CCSER1: variants seen among roughly 807,000 people sequenced by gnomAD.
The protein encoded by CCSER1 is coiled-coil serine rich protein 1.
In CCSER1, 41 loss-of-function variants were observed where a neutral mutation model predicts 82.0. That is an observed-to-expected ratio of 0.50 (90% CI 0.39 to 0.65). CCSER1 has a LOEUF of 0.65. Among genes scored for constraint, CCSER1 ranks in the 30% least tolerant of loss-of-function variants. CCSER1 has a pLI of 0.00. For missense variants in CCSER1, 1,119 were observed against 1,064.2 expected (o/e 1.05, Z -0.72); for synonymous variants, 414 against 383.9 (o/e 1.08, Z -0.92).
At chr4:91,005,976 T>G (rs1007001110) in intron 9 of CCSER1, among the ~76,000 whole-genome samples, 2 of 152,206 alleles carry the variant, frequency 1.3e-5, no homozygotes, top group Non-Finnish European at 2.9e-5. Flanking sequence ...TACTATAGCT[T>G]TATAAGTTTA....
At chr4:91,512,418 A>G (rs1382713824) in intron 10 of CCSER1, among the ~76,000 whole-genome samples, 2 of 152,160 alleles carry the variant, frequency 1.3e-5, no homozygotes, top group Non-Finnish European at 2.9e-5. Flanking sequence ...GACTTACACC[A>G]GTGGTTTGCC....
At chr4:91,566,346 T>C (rs534918633) in intron 10 of CCSER1, among the ~76,000 whole-genome samples, 2 of 152,190 alleles carry the variant, frequency 1.3e-5, no homozygotes, top group East Asian at 3.9e-4. Context: ...TGGACTAAGT[T>C]TTCTTTCTTT....
intron 10 of CCSER1, among the ~76,000 whole-genome samples, chr4:91,525,074 TCTAA>T (rs1760704678): frequency 6.6e-6 from 1 of 152,252 alleles, no homozygotes; most frequent in African/African-American, 2.4e-5. Flanking sequence ...GCTAGAGATC[TCTAA>T]CTAATACGAG....
intron 7 of CCSER1, among the ~76,000 whole-genome samples, chr4:90,790,864 T>G (rs1371349945): frequency 6.6e-6 from 1 of 152,212 alleles, no homozygotes; most frequent in Non-Finnish European, 1.5e-5. Flanking sequence ...TTCTGACCTC[T>G]GCCTGTTACC....
chr4:91,362,770 C>T (rs1411127970), intron 10 of CCSER1, among the ~76,000 whole-genome samples: 1 of 151,710 alleles, frequency 6.6e-6, no homozygotes, highest in East Asian at 1.9e-4. Flanking sequence ...TAAGACCTAG[C>T]TCAAATATAA....
At chr4:91,414,696 A>G (rs1753248363) in intron 10 of CCSER1, among the ~76,000 whole-genome samples, 2 of 152,188 alleles carry the variant, frequency 1.3e-5, no homozygotes, top group Non-Finnish European at 2.9e-5. Flanking sequence ...AAAGACAAAC[A>G]TAGGTTGAAA....
intron 9 of CCSER1, among the ~76,000 whole-genome samples, chr4:90,945,285 T>C (rs1250403621): frequency 6.6e-6 from 1 of 152,164 alleles, no homozygotes; most frequent in African/African-American, 2.4e-5. Context: ...TTTTTTAAAA[T>C]TATTTTTTCA....
intron 6 of CCSER1, among the ~76,000 whole-genome samples, chr4:90,694,245 C>T (rs1331872971): frequency 6.8e-6 from 1 of 147,838 alleles, no homozygotes; most frequent in Non-Finnish European, 1.5e-5. Flanking sequence ...AATTAGGTAC[C>T]TTGCTAACTA....
At chr4:90,452,557 A>G (rs1761597229) in intron 4 of CCSER1, among the ~76,000 whole-genome samples, 1 of 152,158 alleles carries the variant, frequency 6.6e-6, no homozygotes, top group Non-Finnish European at 1.5e-5. Flanking sequence ...TTCCTTAGGT[A>G]CCCTATGGGG....
At chr4:91,191,244 C>A (rs933910598) in intron 10 of CCSER1, among the ~76,000 whole-genome samples, 7 of 152,098 alleles carry the variant, frequency 4.6e-5, no homozygotes, top group African/African-American at 1.7e-4. Flanking sequence ...TATACATAGG[C>A]CCAGTGTCAT....
At chr4:91,219,308 C>CTTTTTTTT (rs59884169) in intron 10 of CCSER1, among the ~76,000 whole-genome samples, 1 of 99,894 alleles carries the variant, frequency 1.0e-5, no homozygotes, top group Non-Finnish European at 1.9e-5. Context: ...TACAGTTTGG[C>CTTTTTTTT]TTTTTTTTTT....
At chr4:90,572,470 T>C (rs1203964869) in intron 5 of CCSER1, among the ~76,000 whole-genome samples, 1 of 152,136 alleles carries the variant, frequency 6.6e-6, no homozygotes, top group African/African-American at 2.4e-5. Flanking sequence ...ACCTATGACA[T>C]GAAAGTTTGT....
intron 3 of CCSER1, among the ~76,000 whole-genome samples, chr4:90,339,335 G>C (rs1224908880): frequency 1.3e-5 from 2 of 152,044 alleles, no homozygotes; most frequent in African/African-American, 4.8e-5. Flanking sequence ...CCTCCCAGCT[G>C]CTCCCCTACT....
intron 8 of CCSER1, among the ~76,000 whole-genome samples, chr4:90,831,936 A>T (rs1365110490): frequency 6.6e-6 from 1 of 151,998 alleles, no homozygotes; most frequent in East Asian, 1.9e-4. Flanking sequence ...GATAATGGCT[A>T]TATGTTTTGT....
At chr4:91,433,156 C>T (rs535564268) in intron 10 of CCSER1, among the ~76,000 whole-genome samples, 2 of 152,134 alleles carry the variant, frequency 1.3e-5, no homozygotes, top group African/African-American at 4.8e-5. Context: ...AGCAATTCTT[C>T]TCTTTCAGAC....
intron 1 of CCSER1, among the ~76,000 whole-genome samples, chr4:90,234,194 G>A (rs559487927): frequency 4.0e-5 from 6 of 151,188 alleles, no homozygotes; most frequent in East Asian, 1.9e-4. Context: ...GGGCCTCTGC[G>A]TACCTCAGCC....
At chr4:90,862,744 G>A (rs553481178) in intron 8 of CCSER1, among the ~76,000 whole-genome samples, 15 of 151,694 alleles carry the variant, frequency 9.9e-5, no homozygotes, top group Non-Finnish European at 1.3e-4. Flanking sequence ...CCACAAAAAC[G>A]CTACTACTAC....
At chr4:91,382,264 G>A (rs147470583) in intron 10 of CCSER1, among the ~76,000 whole-genome samples, 2,946 of 152,288 alleles carry the variant, frequency 0.019, 74 homozygotes, top group African/African-American at 0.066. Flanking sequence ...ACCTGCAGAG[G>A]TTTCTGCTGC....
intron 10 of CCSER1, among the ~76,000 whole-genome samples, chr4:91,317,614 G>C (rs1176413191): frequency 1.3e-5 from 2 of 151,902 alleles, no homozygotes; most frequent in African/African-American, 4.8e-5. Flanking sequence ...GTGTGTGTGT[G>C]TGTGCGCATG....
Sources: gnomAD v4.1 joint callset for allele counts (sites outside exome capture counted in the v4.1 genomes callset) on GRCh38, gnomAD v4.1.1 for gene constraint, MANE v1.5 for transcripts, NCBI Gene and HGNC (gene_info 2026-07-23, HGNC 2026-07-21) for gene names.